Variants in ADAMTS6 observed in about 807,000 individuals in gnomAD.
ADAMTS6 encodes the protein A disintegrin and metalloproteinase with thrombospondin motifs 6.
A neutral mutation model predicts 144.3 loss-of-function variants in ADAMTS6; 23 were observed. The ratio of observed to expected loss-of-function variants is 0.16; its 90% confidence interval spans 0.11 to 0.23. The LOEUF (loss-of-function observed/expected upper bound fraction) is 0.23, where lower values mean the gene tolerates loss of function less well. Among genes scored for constraint, ADAMTS6 ranks in the 10% least tolerant of loss-of-function variants. The probability of loss-of-function intolerance (pLI) is 1.00; values close to 1 mark genes in which losing one functional copy is unlikely to be tolerated. For missense variants in ADAMTS6, 999 were observed against 1,379.6 expected, an observed-to-expected ratio of 0.72 and a Z score of 4.37; for synonymous variants, 444 against 457.5, an observed-to-expected ratio of 0.97 and a Z score of 0.38.
chr5:65,452,245 A>G (rs1207595120), intron 5 of ADAMTS6, 29 bp from the exon 6 acceptor site: 2 of 1,593,728 alleles, frequency 1.3e-6, no homozygotes, highest in African/African-American at 1.3e-5. Flanking sequence ...GAAAAGACAC[A>G]AAGTCAGACA....
chr5:65,259,242 C>T (rs1580213566), intron 14 of ADAMTS6, among the ~76,000 whole-genome samples: 1 of 151,790 alleles, frequency 6.6e-6, no homozygotes, highest in South Asian at 2.1e-4. Context: ...GGTGTGGTGG[C>T]ACACACCTGT....
intron 9 of ADAMTS6, among the ~76,000 whole-genome samples, chr5:65,318,353 A>G (rs1472112279): frequency 6.6e-6 from 1 of 152,210 alleles, no homozygotes; most frequent in South Asian, 2.1e-4. Flanking sequence ...TAGAACTACC[A>G]TATGATCCAG....
At chr5:65,343,237 G>A (rs898789727) in intron 7 of ADAMTS6, among the ~76,000 whole-genome samples, 4 of 151,878 alleles carry the variant, frequency 2.6e-5, no homozygotes, top group Non-Finnish European at 5.9e-5. Flanking sequence ...AATAGACACG[G>A]CAATCATAAG....
At chr5:65,363,182 T>C (rs1188968790) in intron 7 of ADAMTS6, among the ~76,000 whole-genome samples, 1 of 152,172 alleles carries the variant, frequency 6.6e-6, no homozygotes, top group Non-Finnish European at 1.5e-5. Flanking sequence ...AATTCTCACG[T>C]AAATAAAATA....
At chr5:65,402,701 C>CCA (rs1561506541) in intron 7 of ADAMTS6, among the ~76,000 whole-genome samples, 2 of 151,004 alleles carry the variant, frequency 1.3e-5, no homozygotes, top group African/African-American at 4.9e-5. Flanking sequence ...CACCCCCCCC[C>CCA]ATATTTGGCG....
At chr5:65,448,061 T>C (rs1758416745) in intron 7 of ADAMTS6, among the ~76,000 whole-genome samples, 1 of 150,254 alleles carries the variant, frequency 6.7e-6, no homozygotes, top group Admixed American at 6.7e-5. Flanking sequence ...CATTATATTA[T>C]ATATTACTTA....
chr5:65,323,516 A>T (rs1291060820), intron 9 of ADAMTS6, among the ~76,000 whole-genome samples: 2 of 151,800 alleles, frequency 1.3e-5, no homozygotes, highest in Non-Finnish European at 2.9e-5. Context: ...TCAGTCTATC[A>T]TTGTTGGACA....
chr5:65,438,773 C>A (rs1413505619), intron 7 of ADAMTS6, among the ~76,000 whole-genome samples: 1 of 152,134 alleles, frequency 6.6e-6, no homozygotes, highest in African/African-American at 2.4e-5. Flanking sequence ...TCATTTAATA[C>A]ATTTTTTATT....
chr5:65,274,874 A>G (rs1009429387), intron 11 of ADAMTS6, among the ~76,000 whole-genome samples: 1 of 152,060 alleles, frequency 6.6e-6, no homozygotes, highest in Non-Finnish European at 1.5e-5. Flanking sequence ...CAGTAGAGAC[A>G]GGGTTTCACG....
intron 14 of ADAMTS6, among the ~76,000 whole-genome samples, chr5:65,248,488 T>C (rs1759837117): frequency 6.6e-6 from 1 of 152,084 alleles, no homozygotes; most frequent in South Asian, 2.1e-4. Context: ...CAAAACTCTT[T>C]CCCTGAGCTT....
At chr5:65,441,832 CAAA>C (rs34446676) in intron 7 of ADAMTS6, among the ~76,000 whole-genome samples, 17 of 100,640 alleles carry the variant, frequency 1.7e-4, no homozygotes, top group Admixed American at 2.3e-4. Context: ...AGCCATGGGT[CAAA>C]AAAAAAAAAA....
At chr5:65,324,341 C>T (rs1182187113) in intron 9 of ADAMTS6, among the ~76,000 whole-genome samples, 1 of 152,026 alleles carries the variant, frequency 6.6e-6, no homozygotes, top group Admixed American at 6.6e-5. Context: ...TAAATCTTCT[C>T]CAGGAAAATA....
chr5:65,477,838 C>G (rs771815351), intron 1 of ADAMTS6, among the ~76,000 whole-genome samples: 34 of 150,794 alleles, frequency 2.3e-4, no homozygotes, highest in Non-Finnish European at 4.3e-4. Flanking sequence ...TAGAATTCAA[C>G]TAAAACTGGC....
rs576187418 is a variant in ADAMTS6, at chr5:65,370,334, G to C, written c.1074-36249C>G. Among the ~76,000 whole-genome samples the C allele has an allele frequency of 8.5e-4, 129 of 152,320 alleles. 1 individual carries two copies. The highest frequency in any genetic ancestry group is 2.9e-3 in the African/African-American group (119 of 41,578). On this transcript the variant is annotated intron_variant, in intron 7 of 24. Transcript: ENST00000381055. ...TCCCAGCATGAGCAACGCAGAAGGC[G>C]GGTGATTTCTGCATTTCCATCTGAG...
intron 7 of ADAMTS6, among the ~76,000 whole-genome samples, chr5:65,394,030 AT>A (rs918383230): frequency 2.0e-5 from 3 of 151,746 alleles, no homozygotes; most frequent in Non-Finnish European, 4.4e-5. Context: ...CATGTGGCAA[AT>A]TTTTTTTTCC....
rs114127121 is a variant in ADAMTS6 at position 65,335,765 on chromosome 5, G to A, written c.1074-1680C>T. On this transcript the variant is annotated intron_variant, in intron 7 of 24. Coordinates refer to ENST00000381055, the MANE Select transcript of ADAMTS6 (RefSeq NM_197941.4). The stretch of plus-strand genomic sequence containing the variant: ...ATTAAATAAAATAAATGTAAAAATA[G>A]TTAGAGTTACATTATGCAATCAGTA... Among the ~76,000 whole-genome samples, 355 of 152,148 alleles carry A rather than the reference G, an allele frequency of 2.3e-3. 1 individual carries two copies. Among genetic ancestry groups the A allele is most frequent in the African/African-American group, 8.2e-3 (340 of 41,532 alleles).
chr5:65,385,921 T>C (rs1049540245), intron 7 of ADAMTS6, among the ~76,000 whole-genome samples: 12 of 152,218 alleles, frequency 7.9e-5, no homozygotes, highest in African/African-American at 2.9e-4. Flanking sequence ...CTGCTTATTT[T>C]GGCTGAGCAT....
chr5:65,202,154 T>C (rs982838588), intron 20 of ADAMTS6, among the ~76,000 whole-genome samples: 1 of 152,200 alleles, frequency 6.6e-6, no homozygotes, highest in Non-Finnish European at 1.5e-5. Flanking sequence ...TCCTGCTAGT[T>C]TTTATCTTTC....
rs529236363 is a variant in ADAMTS6, at chr5:65,321,708, C to CTTTTTTTTTTTTTTTTT, written c.1223+7653_1223+7669dup. ...GTCTTCAATCCATCTTTTTCTTTTC[C>CTTTTTTTTTTTTTTTTT]TTTTTTTTTTTTTTTTTTTTTTTTT... is the stretch of plus-strand genomic sequence containing the variant. On this transcript the variant is annotated intron_variant, in intron 9 of 24. Transcript: ENST00000381055. 1.1e-4 allele frequency among the ~76,000 whole-genome samples: 9 copies of CTTTTTTTTTTTTTTTTT among 78,852 alleles called. 1 individual carries two copies. The highest frequency in any genetic ancestry group is 4.4e-4 in the East Asian group (1 of 2,276). The allele number at this position is 78,852 out of a possible 152,430, so 51.7% of individuals were successfully genotyped here.
Sources: gnomAD v4.1 joint callset for allele counts (sites outside exome capture counted in the v4.1 genomes callset) on GRCh38, gnomAD v4.1.1 for gene constraint, MANE v1.5 for transcripts, NCBI Gene and HGNC (gene_info 2026-07-23, HGNC 2026-07-21) for gene names.